Variants in PVT1 observed in about 807,000 individuals in gnomAD.
PVT1 encodes CXCR4/PVT1 fusion.
intron 4 of PVT1, among the ~76,000 whole-genome samples, chr8:128,066,338 C>T (rs1482350900): frequency 6.6e-6 from 1 of 152,208 alleles, no homozygotes; most frequent in Non-Finnish European, 1.5e-5. Flanking sequence ...TTCTGGCCTG[C>T]TGCTGATCAG....
At chr8:127,832,581 G>T (rs866042912) in intron 2 of PVT1, among the ~76,000 whole-genome samples, 1 of 152,238 alleles carries the variant, frequency 6.6e-6, no homozygotes, top group African/African-American at 2.4e-5. Context: ...GCACATGGCC[G>T]GGTGTGGTGG....
At chr8:127,836,480 G>GGGTTA (rs1814910327) in intron 2 of PVT1, among the ~76,000 whole-genome samples, 2 of 152,064 alleles carry the variant, frequency 1.3e-5, no homozygotes, top group South Asian at 4.2e-4. Flanking sequence ...AGGCTGCAGA[G>GGGTTA]GGTTAGGTCA....
chr8:127,853,000 C>T (rs1310275233), intron 2 of PVT1, among the ~76,000 whole-genome samples: 1 of 152,170 alleles, frequency 6.6e-6, no homozygotes, highest in Non-Finnish European at 1.5e-5. Flanking sequence ...AAGGTTCTCT[C>T]TCACGACATA....
intron 2 of PVT1, among the ~76,000 whole-genome samples, chr8:127,864,918 C>G (rs1483527760): frequency 6.6e-6 from 1 of 152,174 alleles, no homozygotes; most frequent in Non-Finnish European, 1.5e-5. Context: ...CTCTTGCCTA[C>G]CAAAGCACCA....
chr8:127,844,928 T>C (rs1015289090), intron 2 of PVT1, among the ~76,000 whole-genome samples: 1 of 152,088 alleles, frequency 6.6e-6, no homozygotes, highest in African/African-American at 2.4e-5. Context: ...TTAGCCAGGA[T>C]GGTCTCGATC....
intron 3 of PVT1, among the ~76,000 whole-genome samples, chr8:127,976,507 A>T (rs190096913): frequency 6.6e-6 from 1 of 152,212 alleles, no homozygotes; most frequent in African/African-American, 2.4e-5. Context: ...TGAACCTCCC[A>T]TCTCCACCTG....
intron 3 of PVT1, among the ~76,000 whole-genome samples, chr8:127,981,875 C>T (rs1003350418): frequency 6.6e-6 from 1 of 152,212 alleles, no homozygotes; most frequent in Non-Finnish European, 1.5e-5. Flanking sequence ...CCACCAAAGG[C>T]TGTCTGACCA....
At chr8:128,012,785 A>G (rs950930375) in intron 4 of PVT1, among the ~76,000 whole-genome samples, 14 of 152,160 alleles carry the variant, frequency 9.2e-5, no homozygotes, top group African/African-American at 3.4e-4. Context: ...TCCTGGCTGT[A>G]TACCATAGTC....
At chr8:127,899,654 T>C (rs1305219450) in intron 3 of PVT1, among the ~76,000 whole-genome samples, 1 of 152,098 alleles carries the variant, frequency 6.6e-6, no homozygotes, top group East Asian at 1.9e-4. Flanking sequence ...CTTTTGATTA[T>C]TTGGGGAGGG....
intron 4 of PVT1, among the ~76,000 whole-genome samples, chr8:128,031,124 G>A (rs1182828343): frequency 6.6e-6 from 1 of 152,182 alleles, no homozygotes; most frequent in African/African-American, 2.4e-5. Flanking sequence ...CCTGTTCCAG[G>A]ACAGATCACA....
intron 3 of PVT1, among the ~76,000 whole-genome samples, chr8:127,897,682 G>T (rs1224505393): frequency 1.4e-5 from 2 of 146,520 alleles, no homozygotes; most frequent in Non-Finnish European, 3.0e-5. Flanking sequence ...AAGAAAGAAA[G>T]AAAAAGGAAG....
At chr8:127,980,607 C>T (rs1586465377) in intron 3 of PVT1, among the ~76,000 whole-genome samples, 2 of 152,234 alleles carry the variant, frequency 1.3e-5, no homozygotes, top group East Asian at 3.9e-4. Context: ...AGGAAATTCC[C>T]TGCTTCACTT....
intron 2 of PVT1, among the ~76,000 whole-genome samples, chr8:127,833,875 T>A (rs1448086892): frequency 1.3e-5 from 2 of 152,174 alleles, no homozygotes. Flanking sequence ...CAAATTTTAG[T>A]GTAGTCAGAA....
chr8:127,860,315 A>G (rs900665433), intron 2 of PVT1, among the ~76,000 whole-genome samples: 2 of 152,178 alleles, frequency 1.3e-5, no homozygotes, highest in Non-Finnish European at 2.9e-5. Flanking sequence ...GCCAGAACCA[A>G]AGTCTTCTCG....
intron 5 of PVT1, among the ~76,000 whole-genome samples, chr8:128,071,534 A>G (rs1254571786): frequency 6.6e-6 from 1 of 151,766 alleles, no homozygotes; most frequent in South Asian, 2.1e-4. Context: ...TTTTTAAAAA[A>G]AAAAAGCAGT....
chr8:127,917,384 A>G (rs908327677), intron 3 of PVT1, among the ~76,000 whole-genome samples: 1 of 152,212 alleles, frequency 6.6e-6, no homozygotes, highest in Non-Finnish European at 1.5e-5. Context: ...GCTGGGATTC[A>G]GAAAGGTGCA....
intron 3 of PVT1, among the ~76,000 whole-genome samples, chr8:127,985,780 G>C (rs776212246): frequency 6.6e-6 from 1 of 152,144 alleles, no homozygotes; most frequent in Non-Finnish European, 1.5e-5. Flanking sequence ...GCTCTTGCAG[G>C]TACCATAGTC....
chr8:128,036,916 G>T (rs1215719346), intron 4 of PVT1, among the ~76,000 whole-genome samples: 2 of 152,220 alleles, frequency 1.3e-5, no homozygotes, highest in Non-Finnish European at 2.9e-5. Context: ...ATTCCTGCCT[G>T]CCTCTGCTGC....
At chr8:127,894,541 T>C (rs6999585) in intron 3 of PVT1, among the ~76,000 whole-genome samples, 112,000 of 151,698 alleles carry the variant, frequency 0.74, 42,100 homozygotes, top group African/African-American at 0.88. Flanking sequence ...GCCAGTGTTT[T>C]CCAAAGCGTG....
Sources: allele counts gnomAD v4.1 joint callset (sites outside exome capture counted in the v4.1 genomes callset), GRCh38; gene constraint gnomAD v4.1.1; transcripts MANE v1.5; gene names NCBI Gene and HGNC (gene_info 2026-07-23, HGNC 2026-07-21).